The following RUBCN variants were observed in gnomAD, a reference collection of about 807,000 sequenced individuals.
RUBCN encodes the protein rubicon autophagy regulator.
In RUBCN, 74 loss-of-function variants were observed where a neutral mutation model predicts 113.2. The ratio of observed to expected loss-of-function variants is 0.65; its 90% CI spans 0.54 to 0.79. RUBCN has a LOEUF of 0.79. RUBCN is among the 30% of genes least tolerant of loss of function. The pLI is 0.00. For synonymous variants in RUBCN, 480 were observed against 490.0 expected, an observed-to-expected ratio of 0.98 and a Z score of 0.27; for missense variants, 1,109 against 1,251.7, an observed-to-expected ratio of 0.89 and a Z score of 1.72.
intron 1 of RUBCN, among the ~76,000 whole-genome samples, chr3:197,732,045 T>C (rs1030596590): frequency 6.6e-6 from 1 of 152,166 alleles, no homozygotes; most frequent in African/African-American, 2.4e-5. Context: ...GAGTGGAAAA[T>C]GCTATTAACA....
Position 197,749,577 on chromosome 3 carries a change from T to C in RUBCN, c.-424A>G, listed in dbSNP as rs10470713. The C allele has an allele frequency of 4.7e-6, 6 of 1,284,804 alleles. No individual in the cohort carries two copies. In the African/African-American group the frequency reaches 6.1e-5, roughly 13 times the overall value. The allele number at this position is 1,284,804 out of a possible 1,614,324, so 79.6% of individuals were successfully genotyped here. ...CGAAAGGCTCGTGTGTACCGAAGTA[T>C]AGGGGACCTGTCTGCAGCAGGAGGG... On this transcript the variant is annotated 5_prime_UTR_variant, in exon 1 of 21. Coordinates refer to the RUBCN transcript ENST00000273582.
chr3:197,700,680 G>A lies in RUBCN; in HGVS notation c.1194C>T (p.Thr398=). The A allele has an allele frequency of 1.9e-6, 3 of 1,614,154 alleles. No homozygotes were observed. Among genetic ancestry groups the A allele is most frequent in the Non-Finnish European group, 2.5e-6 (3 of 1,180,016 alleles). The change falls in exon 7 of 20, where the codon ACC becomes ACT. Residue 398 remains threonine, a synonymous_variant. Transcript: ENST00000296343. ...GAATGTGGCTTTTCTTTGCCCCACT[G>A]GTGACAGTGAGTGTCTGCCCCTCTG... ...SFSEGQTLTV[T]SGAKKSHIRS...
At chr3:197,693,183 TACCACCACC>T (rs777999574) in intron 11 of RUBCN, among the ~76,000 whole-genome samples, 1 of 152,072 alleles carries the variant, frequency 6.6e-6, no homozygotes, top group African/African-American at 2.4e-5. Context: ...CTGATACTCC[TACCACCACC>T]ACCACCACCA....
intron 5 of RUBCN, among the ~76,000 whole-genome samples, chr3:197,702,455 G>C (rs988594930): frequency 2.0e-5 from 3 of 152,196 alleles, no homozygotes; most frequent in Non-Finnish European, 1.5e-5. Context: ...TTGAGGTCAG[G>C]AGATCGAGAC....
chr3:197,746,548 G>T (rs1728753642), intron 1 of RUBCN, among the ~76,000 whole-genome samples: 1 of 152,052 alleles, frequency 6.6e-6, no homozygotes, highest in South Asian at 2.1e-4. Context: ...ACAATGAAAT[G>T]ATTCTCTGTT....
At chr3:197,719,086 G>A (rs563353735) in intron 1 of RUBCN, among the ~76,000 whole-genome samples, 118 of 152,200 alleles carry the variant, frequency 7.8e-4, no homozygotes, top group Middle Eastern at 3.4e-3. Context: ...GTTACAATCC[G>A]GTCTCATAGG....
chr3:197,715,509 C>T (rs976255322), intron 2 of RUBCN, among the ~76,000 whole-genome samples: 1 of 152,086 alleles, frequency 6.6e-6, no homozygotes, highest in African/African-American at 2.4e-5. Flanking sequence ...TGTCCTCCTC[C>T]TCTTCCTCCT....
At position 197,676,992 on chromosome 3, in the gene RUBCN, G is replaced by C. The variant is rs74821104; in HGVS notation, c.2539C>G (p.Leu847Val). Residue 847 changes from leucine (L) to valine (V), a missense_variant, in exon 18 of 20, where the codon CTC becomes GTC. Leu to Val is a conservative substitution (Grantham distance 32). Coordinates refer to ENST00000296343, the MANE Select transcript of RUBCN (RefSeq NM_014687.4). Reference protein sequence around the residue: ...DTVPGHLTEDLHLYSLNDLTA... With the variant: ...DTVPGHLTEDVHLYSLNDLTA... The stretch of plus-strand genomic sequence containing the variant: ...AGGTCATTCAGTGAGTACAGGTGGA[G>C]GTCCTCTGTCAGGTGGCCTGGGACT... 3 of 1,613,988 alleles carry C rather than the reference G, an allele frequency of 1.9e-6. No homozygotes were observed. The highest frequency in any genetic ancestry group is 2.5e-6 in the Non-Finnish European group (3 of 1,180,048).
chr3:197,694,152 A>G (rs763177989), intron 10 of RUBCN: 15 of 665,004 alleles, frequency 2.3e-5, no homozygotes, highest in South Asian at 1.2e-4. Context: ...CGGCCTCCCA[A>G]AGTGCTGGGA....
upstream of RUBCN, chr3:197,737,338 T>G (rs1728265653): frequency 6.6e-6 from 1 of 150,640 alleles, no homozygotes; most frequent in Non-Finnish European, 1.5e-5. Context: ...CTCGAGCATT[T>G]AAATGAAGCG....
At chr3:197,703,426 A>AAAAAAAAAAC (rs1723919387) in intron 5 of RUBCN, 122 bp downstream of exon 5, 1 of 448,092 alleles carries the variant, frequency 2.2e-6, no homozygotes, top group Non-Finnish European at 4.1e-6. Context: ...AAAAAAAAAA[A>AAAAAAAAAAC]AAAAAATGCA....
At chr3:197,719,172 T>C (rs1725863289) in intron 1 of RUBCN, among the ~76,000 whole-genome samples, 1 of 152,016 alleles carries the variant, frequency 6.6e-6, no homozygotes, top group Admixed American at 6.6e-5. Flanking sequence ...TCTTACAAGG[T>C]TAACTGTTAA....
In RUBCN at chr3:197,683,514, A is replaced by C. The variant is rs2108855538; in HGVS notation, c.1848-75T>G. 1.9e-3 allele frequency: 2,926 copies of C among 1,541,190 alleles called. No individual in the cohort carries two copies. The highest frequency in any genetic ancestry group is 2.3e-3 in the Non-Finnish European group (2,605 of 1,122,664). On this transcript the variant is annotated intron_variant, in intron 12 of 19. Transcript: ENST00000296343. This position sits in a 1 kb window ranked among gnomAD's most constrained non-coding sequence, Gnocchi z 4.6. ...ATGCGAGGCTTCCCTTCATGATCTC[A>C]TCCCCCACGCAGCAACTTCTGGGCT...
chr3:197,747,455 A>C (rs950844809), intron 1 of RUBCN, among the ~76,000 whole-genome samples: 4 of 151,838 alleles, frequency 2.6e-5, no homozygotes, highest in Non-Finnish European at 4.4e-5. Flanking sequence ...TCCTGGGCTC[A>C]AGTGATCCAC....
At chr3:197,729,642 T>G (rs1213028922) in intron 1 of RUBCN, among the ~76,000 whole-genome samples, 1 of 152,168 alleles carries the variant, frequency 6.6e-6, no homozygotes, top group Non-Finnish European at 1.5e-5. Context: ...CACTGCAACC[T>G]CCGCCTACCA....
chr3:197,730,333 TAACTC>T (rs375064928), intron 1 of RUBCN, among the ~76,000 whole-genome samples: 7 of 152,108 alleles, frequency 4.6e-5, no homozygotes, highest in Non-Finnish European at 8.8e-5. Context: ...AACAGAAACA[TAACTC>T]AAGTCAGTCC....
chr3:197,713,542 A>T (rs1047164599), intron 2 of RUBCN, among the ~76,000 whole-genome samples: 3 of 151,926 alleles, frequency 2.0e-5, no homozygotes, highest in Non-Finnish European at 2.9e-5. Context: ...GGGCAATCTC[A>T]TGAGAGAACA....
At chr3:197,712,159 T>C (rs1211598298) in intron 2 of RUBCN, among the ~76,000 whole-genome samples, 1 of 152,186 alleles carries the variant, frequency 6.6e-6, no homozygotes, top group East Asian at 1.9e-4. Context: ...ACTTCTCCTA[T>C]TCAGCTGAGC....
chr3:197,746,214 G>A (rs1445188492), intron 1 of RUBCN, among the ~76,000 whole-genome samples: 2 of 152,194 alleles, frequency 1.3e-5, no homozygotes, highest in Non-Finnish European at 2.9e-5. Context: ...GATAGCCATC[G>A]CGAAACATGA....
Sources: gnomAD v4.1 joint callset for allele counts (sites outside exome capture counted in the v4.1 genomes callset) on GRCh38, gnomAD v4.1.1 for gene constraint, Gnocchi (gnomAD v3.1) non-coding constraint, MANE v1.5 for transcripts, NCBI Gene and HGNC (gene_info 2026-07-23, HGNC 2026-07-21) for gene names.